MYO1D: variants seen among roughly 807,000 people sequenced by gnomAD.
MYO1D encodes the protein myosin ID.
Under a neutral mutation model 122.0 loss-of-function variants are expected in MYO1D, and 83 were observed. The observed-to-expected ratio is 0.68, with a 90% CI of 0.57 to 0.82. The LOEUF is 0.82. MYO1D is among the 40% of genes least tolerant of loss of function. The pLI is 0.00. For synonymous variants in MYO1D, 464 were observed against 446.9 expected (o/e 1.04, Z -0.48); for missense variants, 1,157 against 1,269.5 (o/e 0.91, Z 1.35).
chr17:32,796,039 G>T (rs190869652), intron 1 of MYO1D, among the ~76,000 whole-genome samples: 4 of 152,278 alleles, frequency 2.6e-5, no homozygotes. Flanking sequence ...TGACAGGCAT[G>T]AAGATTTAAA....
intron 1 of MYO1D, among the ~76,000 whole-genome samples, chr17:32,845,410 G>A (rs567405346): frequency 2.0e-5 from 3 of 152,000 alleles, no homozygotes; most frequent in Non-Finnish European, 1.5e-5. Flanking sequence ...GCTTTGCTAC[G>A]AAAAAAAGAT....
intron 16 of MYO1D, among the ~76,000 whole-genome samples, chr17:32,667,536 C>A (rs1225965466): frequency 6.6e-6 from 1 of 152,136 alleles, no homozygotes; most frequent in Admixed American, 6.6e-5. Flanking sequence ...AGAACCAAAT[C>A]TTTAGTCAAT....
chr17:32,566,503 C>T (rs2087174766), intron 21 of MYO1D, among the ~76,000 whole-genome samples: 2 of 151,876 alleles, frequency 1.3e-5, no homozygotes, highest in Non-Finnish European at 2.9e-5. Context: ...CAGGTAAGTG[C>T]AGGAAAATGC....
chr17:32,784,602 G>C (rs1426769177), intron 1 of MYO1D, among the ~76,000 whole-genome samples: 1 of 152,168 alleles, frequency 6.6e-6, no homozygotes, highest in African/African-American at 2.4e-5. Flanking sequence ...TTCTGAATTA[G>C]TGAGTAGTAA....
intron 16 of MYO1D, among the ~76,000 whole-genome samples, chr17:32,686,940 G>A (rs1214950598): frequency 2.0e-5 from 3 of 149,720 alleles, no homozygotes; most frequent in Non-Finnish European, 4.4e-5. Context: ...ACTCCAGGGT[G>A]ATAAGAGTGA....
At chr17:32,566,364 G>C (rs1207767506) in intron 21 of MYO1D, among the ~76,000 whole-genome samples, 2 of 152,156 alleles carry the variant, frequency 1.3e-5, no homozygotes, top group Non-Finnish European at 2.9e-5. Context: ...ATGCACGGGG[G>C]CTTGGGGAAG....
rs558850145 is a variant in MYO1D at position 32,700,381 on chromosome 17, C to T, written c.2121+11607G>A. Among the ~76,000 whole-genome samples, 451 of 152,344 alleles carry T rather than the reference C, an allele frequency of 3.0e-3. 2 individuals carry two copies. The highest frequency in any genetic ancestry group is 5.3e-3 in the Non-Finnish European group (359 of 68,038). On this transcript the variant is annotated intron_variant, in intron 16 of 21. Transcript: ENST00000318217. ...TCTGATAGGCCGCGGAGCTTGCTTG[C>T]CCTCTGCTCATCTCCTGCTGTGGGG... is the stretch of plus-strand genomic sequence containing the variant.
intron 21 of MYO1D, among the ~76,000 whole-genome samples, chr17:32,601,095 A>C (rs2087557240): frequency 6.6e-6 from 1 of 151,792 alleles, no homozygotes; most frequent in South Asian, 2.1e-4. Flanking sequence ...ACCATGCTTG[A>C]CTAACTTTTA....
rs368557301 is a variant in MYO1D at position 32,556,568 on chromosome 17, T to TTG, written c.2864+48518_2864+48519insCA. On this transcript the variant is annotated intron_variant, in intron 21 of 21. Coordinates refer to ENST00000318217, the MANE Select transcript of MYO1D (RefSeq NM_015194.3). ...TGGCCACAATTTTTTTTTTTTTTTTTAAGATGGGATCTTGCTATGTGGCTC... is the reference window on the plus strand; with the variant it reads ...TGGCCACAATTTTTTTTTTTTTTTTTTGAAGATGGGATCTTGCTATGTGGCTC... 2.8e-3 allele frequency among the ~76,000 whole-genome samples: 419 copies of TTG among 150,180 alleles called. 1 individual carries two copies. The South Asian group carries it at 0.03, about 11-fold the overall frequency.
intron 8 of MYO1D, among the ~76,000 whole-genome samples, chr17:32,763,866 G>C (rs1194901241): frequency 6.6e-6 from 1 of 152,196 alleles, no homozygotes; most frequent in Non-Finnish European, 1.5e-5. Flanking sequence ...GTTGCAGTGA[G>C]CCAAGATTGT....
chr17:32,681,529 C>G (rs1455972370), intron 16 of MYO1D, among the ~76,000 whole-genome samples: 1 of 150,382 alleles, frequency 6.6e-6, no homozygotes, highest in Non-Finnish European at 1.5e-5. Flanking sequence ...CATTCAGGAG[C>G]AGGTTGTTCA....
At chr17:32,722,081 ATAATT>A (rs1033783583) in intron 14 of MYO1D, among the ~76,000 whole-genome samples, 41 of 152,226 alleles carry the variant, frequency 2.7e-4, no homozygotes, top group Admixed American at 2.4e-3. Context: ...CGGGTAGTAA[ATAATT>A]TAAGAAGTAG....
intron 21 of MYO1D, among the ~76,000 whole-genome samples, chr17:32,554,812 A>G (rs2087054048): frequency 6.6e-6 from 1 of 152,232 alleles, no homozygotes; most frequent in African/African-American, 2.4e-5. Context: ...GAAAACGTTC[A>G]ATTTCATTTA....
chr17:32,662,924 T>C (rs1355563406), intron 16 of MYO1D, among the ~76,000 whole-genome samples: 12 of 150,306 alleles, frequency 8.0e-5, no homozygotes, highest in Non-Finnish European at 1.5e-4. Context: ...TTTTCTTTTT[T>C]TTTTTTTTTT....
chr17:32,836,814 T>C (rs912818526), intron 1 of MYO1D, among the ~76,000 whole-genome samples: 1 of 152,296 alleles, frequency 6.6e-6, no homozygotes, highest in African/African-American at 2.4e-5. Flanking sequence ...ATTTGGATTA[T>C]TTTCAGTTTT....
chr17:32,542,126 T>C (rs1365890587), intron 21 of MYO1D, among the ~76,000 whole-genome samples: 4 of 152,162 alleles, frequency 2.6e-5, no homozygotes, highest in African/African-American at 4.8e-5. Context: ...TCAGAGGTAT[T>C]TGTCTGTGTG....
chr17:32,859,969 A>G (rs1420974675), intron 1 of MYO1D, among the ~76,000 whole-genome samples: 4 of 152,152 alleles, frequency 2.6e-5, no homozygotes, highest in Admixed American at 1.3e-4. Flanking sequence ...CATGATAACC[A>G]CATTCCTCTT....
intron 20 of MYO1D, among the ~76,000 whole-genome samples, chr17:32,633,528 CTTTCTTCTTCTT>C (rs528460383): frequency 1.3e-5 from 2 of 151,998 alleles, no homozygotes; most frequent in East Asian, 3.9e-4. Flanking sequence ...AGATAGCTTG[CTTTCTTCTTCTT>C]TTTCTTCTCT....
intron 1 of MYO1D, among the ~76,000 whole-genome samples, chr17:32,820,925 T>C (rs1021841480): frequency 6.6e-6 from 1 of 152,220 alleles, no homozygotes; most frequent in African/African-American, 2.4e-5. Flanking sequence ...GTTTGTTATA[T>C]AGGTAAACTT....
Sources: gnomAD v4.1 joint callset for allele counts (sites outside exome capture counted in the v4.1 genomes callset) on GRCh38, gnomAD v4.1.1 for gene constraint, MANE v1.5 for transcripts, NCBI Gene and HGNC (gene_info 2026-07-23, HGNC 2026-07-21) for gene names.